Variants in DOCK5 observed in about 807,000 individuals in gnomAD.
DOCK5 encodes dedicator of cytokinesis protein 5.
Under a neutral mutation model 251.8 loss-of-function variants are expected in DOCK5, and 142 were observed. The ratio of observed to expected loss-of-function variants is 0.56; its 90% CI spans 0.49 to 0.65. DOCK5 has a LOEUF of 0.65. Ranked by LOEUF, DOCK5 falls within the 30% of genes least tolerant of loss-of-function variation. The pLI is 0.00. For synonymous variants in DOCK5, 842 were observed against 835.5 expected, an observed-to-expected ratio of 1.01 and a Z score of -0.13; for missense variants, 2,111 against 2,312.3, an observed-to-expected ratio of 0.91 and a Z score of 1.79.
intron 1 of DOCK5, among the ~76,000 whole-genome samples, chr8:25,242,662 G>A (rs564414247): frequency 9.9e-5 from 15 of 152,280 alleles, no homozygotes; most frequent in Admixed American, 8.5e-4. Context: ...TTAAAATTGG[G>A]TTGTCTTCTT....
rs1800932435 is a variant in DOCK5 at position 25,374,617 on chromosome 8, C to G, written c.3779C>G (p.Ala1260Gly). The G allele has an allele frequency of 7.4e-6, 12 of 1,613,914 alleles. No individual in the cohort carries two copies. The highest frequency in any genetic ancestry group is 1.0e-5 in the Non-Finnish European group (12 of 1,179,874). Residue 1260 changes from alanine (A) to glycine (G), a missense_variant, in exon 37 of 52, where the codon GCT (alanine) becomes GGT (glycine). Ala to Gly is a moderately conservative substitution (Grantham distance 60, BLOSUM62 0). This residue lies in a region of DOCK5 where 1,717 missense variants were observed against 1,892.4 expected (regional missense o/e 0.91). Coordinates refer to ENST00000276440, the MANE Select transcript of DOCK5 (RefSeq NM_024940.8). ...CGAGACTGTGAGAACTACACAGAAG[C>G]TGCCTACACGCTTCTCTTGCACGCT... ...LHRDCENYTE[A>G]AYTLLLHAEL... is the part of the protein sequence containing the mutation.
intron 22 of DOCK5, among the ~76,000 whole-genome samples, chr8:25,337,488 A>T (rs1364045218): frequency 7.2e-6 from 1 of 138,244 alleles, no homozygotes; most frequent in East Asian, 2.1e-4. Context: ...GAAAAAAAAA[A>T]TCTTATCAGG....
Position 25,351,493 on chromosome 8 carries a change from G to A in DOCK5, c.2755-238G>A, listed in dbSNP as rs547568859. 88 of 450,498 alleles carry A rather than the reference G, an allele frequency of 2.0e-4. No individual in the cohort carries two copies. The East Asian group carries it at 3.1e-3, about 16-fold the overall frequency. 27.9% of individuals were successfully genotyped at this position (450,498 alleles called of 1,614,324 possible). A position where few individuals can be genotyped will look rare whatever the true frequency, so the allele number is the denominator to read the frequency against. ...CTGAGCAATCTGAGTTATTAAGAAG[G>A]CACTCATCCCTGCACAGCCACATTC... On this transcript the variant is annotated intron_variant, in intron 26 of 51. Transcript: ENST00000276440.
chr8:25,324,687 A>G (rs1294722126), intron 17 of DOCK5, among the ~76,000 whole-genome samples: 1 of 152,162 alleles, frequency 6.6e-6, no homozygotes, highest in Non-Finnish European at 1.5e-5. Context: ...GTACATGTGC[A>G]CAACGTGCAG....
chr8:25,230,657 C>T lies in DOCK5; in HGVS notation c.44-13017C>T, dbSNP rs567907157. Among the ~76,000 whole-genome samples, 8 of 151,992 alleles carry T rather than the reference C, an allele frequency of 5.3e-5. No individual in the cohort carries two copies. The East Asian group carries it at 1.6e-3, about 29-fold the overall frequency. Reference sequence around the variant, plus strand: ...CTTGAGCCCAGGAGTTTGAGACCAGCCTGGCCAACATGGTGAAACCTTGTC... The same window carrying T: ...CTTGAGCCCAGGAGTTTGAGACCAGTCTGGCCAACATGGTGAAACCTTGTC... On this transcript the variant is annotated intron_variant, in intron 1 of 51. Transcript: ENST00000276440.
In DOCK5 at chr8:25,374,593, G is replaced by T; in HGVS notation, c.3755G>T (p.Arg1252Leu). The change falls in exon 37 of 52, where the codon CGA (arginine) becomes CTA (leucine). Residue 1252 changes from arginine (R) to leucine (L), a missense_variant. Physicochemically the swap from Arg to Leu is moderately radical, Grantham distance 102. Around this residue, in one of 3 missense-constraint regions of DOCK5, gnomAD observed 1,717 missense variants for 1,892.4 expected, o/e 0.91. Coordinates refer to ENST00000276440, the MANE Select transcript of DOCK5 (RefSeq NM_024940.8). The stretch of plus-strand genomic sequence containing the variant: ...CTGTACAAGCTTCGAGATTTGCACC[G>T]AGACTGTGAGAACTACACAGAAGCT... ...RYLYKLRDLH[R>L]DCENYTEAAY... is the part of the protein sequence containing the mutation. The T allele has an allele frequency of 6.2e-7, 1 of 1,611,424 alleles. No homozygotes were observed. The highest frequency in any genetic ancestry group is 1.3e-5 in the African/African-American group (1 of 74,718).
intron 5 of DOCK5, among the ~76,000 whole-genome samples, chr8:25,281,152 T>G (rs1463121994): frequency 6.6e-6 from 1 of 151,862 alleles, no homozygotes; most frequent in African/African-American, 2.4e-5. Flanking sequence ...GGGGGCCAGG[T>G]GCAGTGGCTC....
chr8:25,184,847 G>C lies in DOCK5; in HGVS notation c.-62G>C. 2 of 1,269,302 alleles carry C rather than the reference G, an allele frequency of 1.6e-6. No homozygotes were observed. Among genetic ancestry groups the C allele is most frequent in the Non-Finnish European group, 2.0e-6 (2 of 998,954 alleles). 78.6% of individuals were successfully genotyped at this position (1,269,302 alleles called of 1,614,324 possible). ...GCACGCAGGAGCGCGGGGCGGCGGCGGCCGGAGCCCGAGGAGCTGTAGCAG... is the reference window on the plus strand; with the variant it reads ...GCACGCAGGAGCGCGGGGCGGCGGCCGCCGGAGCCCGAGGAGCTGTAGCAG... On this transcript the variant is annotated 5_prime_UTR_variant, in exon 1 of 52. Coordinates refer to ENST00000276440, the MANE Select transcript of DOCK5 (RefSeq NM_024940.8).
intron 1 of DOCK5, among the ~76,000 whole-genome samples, chr8:25,230,974 A>G (rs1279654113): frequency 1.3e-5 from 2 of 152,148 alleles, no homozygotes; most frequent in African/African-American, 4.8e-5. Context: ...CAGTATATTA[A>G]TCCTATACTC....
At chr8:25,319,491 G>T in intron 14 of DOCK5, 87 bp from the exon 15 acceptor site, 1 of 827,034 alleles carries the variant, frequency 1.2e-6, no homozygotes, top group Admixed American at 2.2e-5. Flanking sequence ...ACGTGTTTGG[G>T]GGTGAGGGGC....
Position 25,294,654 on chromosome 8 carries a change from C to T in DOCK5, c.471-1859C>T, listed in dbSNP as rs549473436. 1.2e-3 allele frequency among the ~76,000 whole-genome samples: 179 copies of T among 152,202 alleles called. 1 individual carries two copies. Among genetic ancestry groups the T allele is most frequent in the African/African-American group, 3.9e-3 (160 of 41,536 alleles). On this transcript the variant is annotated intron_variant, in intron 6 of 51. Transcript: ENST00000276440. ...AGGTGTTTGCTTCTACTAGTTGCTGCGATAAGAGCTGTGTTAGTCCATTCT... is the reference window on the plus strand; with the variant it reads ...AGGTGTTTGCTTCTACTAGTTGCTGTGATAAGAGCTGTGTTAGTCCATTCT...
rs570099968 is a variant in DOCK5 at position 25,311,988 on chromosome 8, AG to A, written c.1318+1460del. ...ATCTTATTTCTCCTTTGAGAAATTA[AG>A]GGGCAGTGATAACTTGTTGCTGCCC... On this transcript the variant is annotated intron_variant, in intron 13 of 51. Coordinates refer to ENST00000276440, the MANE Select transcript of DOCK5 (RefSeq NM_024940.8). Among the ~76,000 whole-genome samples the A allele has an allele frequency of 8.4e-4, 128 of 152,312 alleles. 4 individuals carry two copies. The South Asian group carries it at 0.026, about 31-fold the overall frequency.
At position 25,351,772 on chromosome 8, in the gene DOCK5, G is replaced by A. The variant is rs1800473223; in HGVS notation, c.2796G>A (p.Leu932=). 1 of 1,613,778 alleles carries A rather than the reference G, an allele frequency of 6.2e-7. No homozygotes were observed. Among genetic ancestry groups the A allele is most frequent in the African/African-American group, 1.3e-5 (1 of 74,926 alleles). ...AVHIQLIMER[L]LRRINRTVIG... is the part of the protein sequence containing the mutation. ...ACATTCAGCTTATAATGGAACGGCT[G>A]CTGAGAAGGATCAACCGGACAGTGA... The change falls in exon 27 of 52, where the codon CTG becomes CTA. Residue 932 remains leucine (L), a synonymous_variant. Coordinates refer to ENST00000276440, the MANE Select transcript of DOCK5 (RefSeq NM_024940.8).
chr8:25,333,392 C>T (rs1220895095), intron 20 of DOCK5, among the ~76,000 whole-genome samples: 1 of 152,104 alleles, frequency 6.6e-6, no homozygotes, highest in Non-Finnish European at 1.5e-5. Flanking sequence ...GGTATTAAAG[C>T]TAAGGTTTAA....
intron 1 of DOCK5, among the ~76,000 whole-genome samples, chr8:25,227,032 A>T (rs1332978274): frequency 6.6e-6 from 1 of 152,166 alleles, no homozygotes; most frequent in African/African-American, 2.4e-5. Flanking sequence ...CCTTCAGGTT[A>T]TTTCCAGTTT....
At chr8:25,407,918 C>G in intron 48 of DOCK5, 65 bp from the exon 49 acceptor site, 1 of 1,449,888 alleles carries the variant, frequency 6.9e-7, no homozygotes, top group Non-Finnish European at 9.3e-7. Context: ...CTGGTACTTT[C>G]ATAGTGAATT....
intron 11 of DOCK5, among the ~76,000 whole-genome samples, chr8:25,306,633 G>A (rs536301348): frequency 6.6e-6 from 1 of 152,022 alleles, no homozygotes; most frequent in East Asian, 1.9e-4. Context: ...GGTGGAGCTT[G>A]CAGTGAGCCA....
chr8:25,242,051 T>C (rs1029841347), intron 1 of DOCK5, among the ~76,000 whole-genome samples: 62 of 152,108 alleles, frequency 4.1e-4, no homozygotes, highest in African/African-American at 1.5e-3. Flanking sequence ...ATACCTAATG[T>C]AGATGACGGG....
chr8:25,403,519 T>C, intron 47 of DOCK5, 39 bp from the exon 48 acceptor site: 2 of 1,605,864 alleles, frequency 1.2e-6, no homozygotes, highest in Non-Finnish European at 8.5e-7. Flanking sequence ...AGGGGCTGGA[T>C]TCCAGGTCCG....
Sources: allele counts gnomAD v4.1 joint callset (sites outside exome capture counted in the v4.1 genomes callset), GRCh38; gene constraint gnomAD v4.1.1; regional missense constraint gnomAD v4.1.1; transcripts MANE v1.5; gene names NCBI Gene and HGNC (gene_info 2026-07-23, HGNC 2026-07-21).